Variants in PEMT observed in about 807,000 individuals in gnomAD.
The protein encoded by PEMT is phospholipid methyltransferase.
A neutral mutation model predicts 27.4 loss-of-function variants in PEMT; 23 were observed. The ratio of observed to expected loss-of-function variants is 0.84; its 90% CI spans 0.60 to 1.19. The LOEUF is 1.19. Among genes scored for constraint, PEMT ranks in the 50% most tolerant of loss-of-function variants. PEMT has a pLI of 0.00. For missense variants in PEMT, 307 were observed against 310.1 expected (o/e 0.99, Z 0.07); for synonymous variants, 137 against 139.1 (o/e 0.98, Z 0.11).
intron 2 of PEMT, among the ~76,000 whole-genome samples, chr17:17,526,147 C>T (rs1396773181): frequency 6.6e-6 from 1 of 152,214 alleles, no homozygotes; most frequent in African/African-American, 2.4e-5. Context: ...GCCTCTCCCA[C>T]ACCCTGGCAA....
At chr17:17,574,260 A>AC (rs1911418920) in intron 2 of PEMT, among the ~76,000 whole-genome samples, 5 of 144,578 alleles carry the variant, frequency 3.5e-5, no homozygotes, top group South Asian at 2.2e-4. Context: ...AAAAAAAAAA[A>AC]AAAAACCGTA....
intron 2 of PEMT, among the ~76,000 whole-genome samples, chr17:17,563,747 C>T (rs1910646236): frequency 6.6e-6 from 1 of 152,188 alleles, no homozygotes; most frequent in Admixed American, 6.5e-5. Flanking sequence ...GGACGCTATG[C>T]TCATCTTAGA....
At chr17:17,580,572 A>G (rs1243256350) in intron 1 of PEMT, among the ~76,000 whole-genome samples, 1 of 152,152 alleles carries the variant, frequency 6.6e-6, no homozygotes, top group African/African-American at 2.4e-5. Flanking sequence ...CTCAGGGAAG[A>G]GTCGTGGCTT....
At chr17:17,591,396 CCGCCA>C in intron 1 of PEMT, 130 bp downstream of exon 1, 1 of 756,986 alleles carries the variant, frequency 1.3e-6, no homozygotes, top group Non-Finnish European at 2.1e-6. Context: ...TCCCCCACCC[CCGCCA>C]CGCCACGCCC....
At chr17:17,528,174 T>G (rs1486300603) in intron 2 of PEMT, among the ~76,000 whole-genome samples, 1 of 152,192 alleles carries the variant, frequency 6.6e-6, no homozygotes, top group East Asian at 1.9e-4. Context: ...ACAGAGGGGC[T>G]CATGAGCTCC....
intron 2 of PEMT, among the ~76,000 whole-genome samples, chr17:17,553,287 A>C (rs1909794444): frequency 6.6e-6 from 1 of 152,042 alleles, no homozygotes; most frequent in African/African-American, 2.4e-5. Flanking sequence ...GTCCCACCTC[A>C]CCGTCCTGGC....
At chr17:17,562,019 G>A (rs1910515386) in intron 2 of PEMT, among the ~76,000 whole-genome samples, 1 of 152,226 alleles carries the variant, frequency 6.6e-6, no homozygotes, top group Non-Finnish European at 1.5e-5. Context: ...GAGGCGCTTG[G>A]AGGGCCTCTT....
intron 2 of PEMT, among the ~76,000 whole-genome samples, chr17:17,551,938 C>T (rs1909681886): frequency 1.3e-5 from 2 of 152,228 alleles, no homozygotes; most frequent in Non-Finnish European, 2.9e-5. Context: ...CGCATTGGCT[C>T]ATGCCTGTAA....
At chr17:17,555,266 G>A (rs552712668) in intron 2 of PEMT, among the ~76,000 whole-genome samples, 3 of 152,226 alleles carry the variant, frequency 2.0e-5, no homozygotes, top group South Asian at 2.1e-4. Flanking sequence ...GGATGGGGCC[G>A]AATTAGGGAA....
At chr17:17,525,321 C>G (rs1186268495) in intron 2 of PEMT, among the ~76,000 whole-genome samples, 1 of 152,132 alleles carries the variant, frequency 6.6e-6, no homozygotes, top group East Asian at 1.9e-4. Context: ...AAGAGGAAAC[C>G]ACGCCTTGCC....
At chr17:17,522,203 A>T in intron 3 of PEMT, 77 bp downstream of exon 3, 1 of 1,032,790 alleles carries the variant, frequency 9.7e-7, no homozygotes, top group Non-Finnish European at 1.5e-6. Context: ...CCGCGTGGTG[A>T]GGGATGAGGT....
intron 2 of PEMT, among the ~76,000 whole-genome samples, chr17:17,546,796 G>A (rs766963942): frequency 2.6e-5 from 4 of 152,236 alleles, no homozygotes; most frequent in African/African-American, 4.8e-5. Context: ...AATAGCTCTC[G>A]ACCATTGCTG....
intron 2 of PEMT, among the ~76,000 whole-genome samples, chr17:17,549,614 G>A (rs113662375): frequency 2.0e-5 from 3 of 152,200 alleles, no homozygotes; most frequent in African/African-American, 4.8e-5. Flanking sequence ...CCAGCCAACC[G>A]TGGCATTTTT....
intron 2 of PEMT, among the ~76,000 whole-genome samples, chr17:17,563,166 G>C (rs550184964): frequency 1.3e-5 from 2 of 152,054 alleles, no homozygotes; most frequent in African/African-American, 4.8e-5. Flanking sequence ...CTGAGGAGCC[G>C]GCAGACTAAG....
intron 2 of PEMT, among the ~76,000 whole-genome samples, chr17:17,548,269 G>C (rs1403851752): frequency 2.0e-5 from 3 of 152,260 alleles, no homozygotes; most frequent in African/African-American, 7.2e-5. Flanking sequence ...GAATGCCCTG[G>C]GCTGGGTAGG....
At chr17:17,532,763 C>G (rs2142570893) in intron 2 of PEMT, among the ~76,000 whole-genome samples, 1 of 152,356 alleles carries the variant, frequency 6.6e-6, no homozygotes, top group East Asian at 1.9e-4. Flanking sequence ...CTCAGTGGCT[C>G]ATGCCTATAA....
intron 2 of PEMT, among the ~76,000 whole-genome samples, chr17:17,554,475 G>C (rs1032939374): frequency 2.6e-5 from 4 of 152,220 alleles, no homozygotes; most frequent in Admixed American, 6.5e-5. Flanking sequence ...TGGGCAGCTT[G>C]CCTCCCTGCT....
At chr17:17,527,321 G>A (rs1212404698) in intron 2 of PEMT, among the ~76,000 whole-genome samples, 1 of 152,230 alleles carries the variant, frequency 6.6e-6, no homozygotes, top group East Asian at 1.9e-4. Context: ...ACAGGAGTGA[G>A]CCACTGTGCC....
chr17:17,552,023 G>A (rs1433726203), intron 2 of PEMT, among the ~76,000 whole-genome samples: 1 of 152,192 alleles, frequency 6.6e-6, no homozygotes. Context: ...CCAACATGGC[G>A]AAACCCCGTC....
Sources: gnomAD v4.1 joint callset for allele counts (sites outside exome capture counted in the v4.1 genomes callset) on GRCh38, gnomAD v4.1.1 for gene constraint, MANE v1.5 for transcripts, NCBI Gene and HGNC (gene_info 2026-07-23, HGNC 2026-07-21) for gene names.